Variants in SEC23B observed in about 807,000 individuals in gnomAD.
SEC23B encodes protein transport protein Sec23B.
A neutral mutation model predicts 104.3 loss-of-function variants in SEC23B; 77 were observed. The ratio of observed to expected loss-of-function variants is 0.74; its 90% CI spans 0.61 to 0.89. SEC23B has a LOEUF of 0.89. Among genes scored for constraint, SEC23B ranks in the 40% least tolerant of loss-of-function variants. The pLI, the probability that SEC23B is intolerant of heterozygous loss-of-function variation, is 0.00. For missense variants in SEC23B, 885 were observed against 949.4 expected (o/e 0.93, Z 0.89); for synonymous variants, 338 against 332.5 (o/e 1.02, Z -0.18).
At chr20:18,514,230 G>C (rs2060005270) in intron 3 of SEC23B, among the ~76,000 whole-genome samples, 1 of 152,164 alleles carries the variant, frequency 6.6e-6, no homozygotes, top group African/African-American at 2.4e-5. Flanking sequence ...AAGACGGAGG[G>C]ATCAGGGTGA....
rs763867169 is a variant in SEC23B at position 18,524,508 on chromosome 20, A to G, written c.442A>G (p.Lys148Glu). Reference protein sequence around the residue: ...CLEEDDLQALKESLQMSLSLL... With the variant: ...CLEEDDLQALEESLQMSLSLL... ...GGAGGAAGATGACCTTCAAGCACTC[A>G]AAGAGTCCCTGCAGATGTCCCTGAG... is the stretch of plus-strand genomic sequence containing the variant. The change falls in exon 5 of 20, where the codon AAA (lysine) becomes GAA (glutamate). Residue 148 changes from lysine (K) to glutamate (E), a missense_variant. By Grantham distance (56) the Lys-to-Glu change is moderately conservative (BLOSUM62 1). Transcript: ENST00000650089. 4 of 1,614,218 alleles carry G rather than the reference A, an allele frequency of 2.5e-6. No homozygotes were observed. The highest frequency in any genetic ancestry group is 3.4e-6 in the Non-Finnish European group (4 of 1,180,034).
In SEC23B at chr20:18,554,359, G is replaced by T; in HGVS notation, c.2117G>T (p.Arg706Leu). The change falls in exon 18 of 20, where the codon CGT (arginine) becomes CTT (leucine). Residue 706 changes from arginine to leucine, a missense_variant. By Grantham distance (102) the Arg-to-Leu change is moderately radical. Transcript: ENST00000650089. ...EILQARFPMPRYINTEHGGSQ... is the reference protein window; with the variant it reads ...EILQARFPMPLYINTEHGGSQ... ...CTGCAAGCACGCTTCCCGATGCCAC[G>T]TTACATCAACACGGAGCATGGAGGC... The T allele has an allele frequency of 6.2e-7, 1 of 1,614,176 alleles. No homozygotes were observed. Among genetic ancestry groups the T allele is most frequent in the Non-Finnish European group, 8.5e-7 (1 of 1,180,042 alleles).
chr20:18,535,709 T>G lies in SEC23B; in HGVS notation c.1371T>G (p.Ser457=). Residue 457 remains serine (S), a synonymous_variant, in exon 12 of 20, where the codon TCT becomes TCG. Transcript: ENST00000650089. ...QWKICGLDPT[S]TLGIYFEVVN... is the part of the protein sequence containing the mutation. ...AAATCTGTGGCCTAGATCCTACATCTACACTTGGCATCTATTTTGAAGTTG... is the reference window on the plus strand; with the variant it reads ...AAATCTGTGGCCTAGATCCTACATCGACACTTGGCATCTATTTTGAAGTTG... The G allele has an allele frequency of 1.2e-6, 2 of 1,614,102 alleles. No homozygotes were observed. The highest frequency in any genetic ancestry group is 1.7e-6 in the Non-Finnish European group (2 of 1,179,940).
At position 18,536,608 on chromosome 20, in the gene SEC23B, C is replaced by T. The variant is rs571941307; in HGVS notation, c.1404+866C>T. Among the ~76,000 whole-genome samples the T allele has an allele frequency of 3.4e-3, 517 of 151,788 alleles. 2 individuals are homozygous for T. The highest frequency in any genetic ancestry group is 0.012 in the African/African-American group (485 of 41,364). On this transcript the variant is annotated intron_variant, in intron 12 of 19. Transcript: ENST00000650089. Reference sequence around the variant, plus strand: ...TTGGGAGGCTGAGGCAGGAGAATGGCGTGAACCCAGGAGGCAGAGCTTGCA... The same window carrying T: ...TTGGGAGGCTGAGGCAGGAGAATGGTGTGAACCCAGGAGGCAGAGCTTGCA...
chr20:18,532,400 A>G (rs1048261955), intron 10 of SEC23B, among the ~76,000 whole-genome samples: 1 of 152,260 alleles, frequency 6.6e-6, no homozygotes, highest in African/African-American at 2.4e-5. Flanking sequence ...ATCTACATGT[A>G]CAGTAATTTC....
chr20:18,516,098 G>C (rs2060022072), intron 4 of SEC23B: 2 of 258,246 alleles, frequency 7.7e-6, no homozygotes, highest in Non-Finnish European at 1.5e-5. Context: ...CTCTATATTT[G>C]AAATTTATCC....
rs771842185 is a variant in SEC23B, at chr20:18,526,389, C to T, written c.851C>T (p.Thr284Ile). 1 of 1,614,120 alleles carries T rather than the reference C, an allele frequency of 6.2e-7. No homozygotes were observed. Among genetic ancestry groups the T allele is most frequent in the Non-Finnish European group, 8.5e-7 (1 of 1,179,980 alleles). Residue 284 changes from threonine (T) to isoleucine (I), a missense_variant, in exon 8 of 20, where the codon ACA becomes ATA. Transcript: ENST00000650089. ...VGLLEGTFPN[T>I]GARIMLFTGG... ...CTATTTTAGGGCACTTTTCCAAACA[C>T]AGGAGCCAGGATCATGCTGTTTACT...
rs2295557 is a variant in SEC23B at position 18,543,220 on chromosome 20, C to T, written c.1665+48C>T. Reference sequence around the variant, plus strand: ...AGGTTCAGTCTTGGTTTCTGCTTTACTTTCGAGAAGAAAATTGTCACTTAA... The same window carrying T: ...AGGTTCAGTCTTGGTTTCTGCTTTATTTTCGAGAAGAAAATTGTCACTTAA... On this transcript the variant is annotated intron_variant, in intron 14 of 19. Coordinates refer to ENST00000650089, the MANE Select transcript of SEC23B (RefSeq NM_006363.6). 1,228,222 of 1,611,850 alleles carry T rather than the reference C, an allele frequency of 0.76. 476,416 individuals carry two copies. Among genetic ancestry groups the T allele is most frequent in the Non-Finnish European group, 0.8 (947,836 of 1,178,610 alleles).
At position 18,526,499 on chromosome 20, in the gene SEC23B, G is replaced by A. The variant is rs1335421454; in HGVS notation, c.961G>A (p.Asp321Asn). The change falls in exon 8 of 20, where the codon GAT becomes AAT. Residue 321 changes from aspartate (D) to asparagine (N), a missense_variant. Coordinates refer to ENST00000650089, the MANE Select transcript of SEC23B (RefSeq NM_006363.6). Reference sequence around the variant, plus strand: ...TCGTTCTTGGCATGATATTGAGAAAGATAATGCACGATTCATGAAAAAGGC... The same window carrying A: ...TCGTTCTTGGCATGATATTGAGAAAAATAATGCACGATTCATGAAAAAGGC... The part of the protein sequence containing the change: ...PIRSWHDIEK[D>N]NARFMKKATK... 6.2e-7 allele frequency: 1 copy of A among 1,614,192 alleles called. No individual in the cohort carries two copies. The highest frequency in any genetic ancestry group is 1.1e-5 in the South Asian group (1 of 91,084).
intron 12 of SEC23B, 56 bp downstream of exon 12, chr20:18,535,798 T>C (rs2060225320): frequency 1.5e-6 from 2 of 1,362,708 alleles, no homozygotes; most frequent in Non-Finnish European, 2.1e-6. Flanking sequence ...TTGTGATTTA[T>C]CTCAAACCAG....
intron 12 of SEC23B, among the ~76,000 whole-genome samples, chr20:18,540,346 A>G (rs1568616179): frequency 6.6e-6 from 1 of 152,178 alleles, no homozygotes; most frequent in Non-Finnish European, 1.5e-5. Context: ...GACCAGGTGC[A>G]TTGTCAGTGA....
At chr20:18,518,582 G>GTTTTGTT (rs2060052841) in intron 4 of SEC23B, among the ~76,000 whole-genome samples, 1 of 92,658 alleles carries the variant, frequency 1.1e-5, no homozygotes, top group Non-Finnish European at 2.0e-5. Flanking sequence ...CTGGAAGGAG[G>GTTTTGTT]TTTTTTTTTT....
In SEC23B at chr20:18,561,349, AT is replaced by A. The variant is rs2060491207; in HGVS notation, c.*612del. 6.6e-6 allele frequency: 1 copy of A among 152,624 alleles called. No individual in the cohort carries two copies. Among genetic ancestry groups the A allele is most frequent in the Non-Finnish European group, 1.5e-5 (1 of 68,340 alleles). The allele number at this position is 152,624 out of a possible 1,614,324, so 9.5% of individuals were successfully genotyped here. On this transcript the variant is annotated 3_prime_UTR_variant, in exon 20 of 20. Coordinates refer to ENST00000650089, the MANE Select transcript of SEC23B (RefSeq NM_006363.6). The stretch of plus-strand genomic sequence containing the variant: ...CTTACAAGATTTTTGTTGTTGATGT[AT>A]TTAATTTTAGCCCATGTCTCAATTC...
At chr20:18,523,218 C>T (rs1045466348) in intron 4 of SEC23B, among the ~76,000 whole-genome samples, 1 of 151,980 alleles carries the variant, frequency 6.6e-6, no homozygotes, top group African/African-American at 2.4e-5. Flanking sequence ...TCGTTCAGCC[C>T]AGTGGGCCTC....
At chr20:18,520,254 G>A (rs938314069) in intron 4 of SEC23B, among the ~76,000 whole-genome samples, 1 of 152,178 alleles carries the variant, frequency 6.6e-6, no homozygotes, top group African/African-American at 2.4e-5. Context: ...GGGATTGTAA[G>A]GAGAGTTTAT....
intron 5 of SEC23B, 124 bp from the exon 6 acceptor site, chr20:18,524,811 G>C (rs1600241064): frequency 1.6e-6 from 2 of 1,232,934 alleles, no homozygotes; most frequent in Admixed American, 1.8e-5. Flanking sequence ...GCCCACCTCA[G>C]CCTCATGAGT....
chr20:18,557,329 G>T (rs1305481362), intron 19 of SEC23B, among the ~76,000 whole-genome samples: 1 of 151,968 alleles, frequency 6.6e-6, no homozygotes, highest in Non-Finnish European at 1.5e-5. Context: ...TAATTGAGAT[G>T]AGGTCTTGCT....
chr20:18,523,228 C>T (rs1200126649), intron 4 of SEC23B, among the ~76,000 whole-genome samples: 1 of 151,982 alleles, frequency 6.6e-6, no homozygotes, highest in South Asian at 2.1e-4. Context: ...CAGTGGGCCT[C>T]TTTGACTCTC....
intron 14 of SEC23B, 25 bp downstream of exon 14, chr20:18,543,197 G>A: frequency 2.5e-6 from 4 of 1,614,014 alleles, no homozygotes; most frequent in Non-Finnish European, 3.4e-6. Context: ...GTGGCATTAG[G>A]TTCAGTCTTG....
Sources: allele counts gnomAD v4.1 joint callset (sites outside exome capture counted in the v4.1 genomes callset), GRCh38; gene constraint gnomAD v4.1.1; transcripts MANE v1.5; gene names NCBI Gene and HGNC (gene_info 2026-07-23, HGNC 2026-07-21).